VPS13B: variants seen among roughly 807,000 people sequenced by gnomAD.
VPS13B encodes the protein intermembrane lipid transfer protein VPS13B.
A neutral mutation model predicts 426.4 loss-of-function variants in VPS13B; 285 were observed. The observed-to-expected ratio is 0.67, with a 90% CI of 0.61 to 0.74. The LOEUF is 0.74. Among genes scored for constraint, VPS13B ranks in the 30% least tolerant of loss-of-function variants. The pLI, the probability that VPS13B is intolerant of heterozygous loss-of-function variation, is 0.00. For synonymous variants in VPS13B, 1,676 were observed against 1,676.4 expected (o/e 1.00, Z 0.01); for missense variants, 4,537 against 4,782.6 (o/e 0.95, Z 1.51).
At chr8:99,148,102 G>A in intron 14 of VPS13B, 92 bp downstream of exon 14, 1 of 1,372,554 alleles carries the variant, frequency 7.3e-7, no homozygotes, top group Non-Finnish European at 1.0e-6. Context: ...CTGCAGCCGG[G>A]CACAGTGGCT....
chr8:99,038,580 G>T lies in VPS13B; in HGVS notation c.291+14G>T. ...GATGGGATACAGGTAAGAAATTATT[G>T]AACCAAGTTGTTTATGTTAACTAAT... is the stretch of plus-strand genomic sequence containing the variant. On this transcript the variant is annotated intron_variant, in intron 3 of 61. Transcript: ENST00000357162. 1.3e-6 allele frequency: 2 copies of T among 1,591,812 alleles called. No homozygotes were observed. The highest frequency in any genetic ancestry group is 2.2e-5 in the South Asian group (2 of 90,502).
At chr8:99,263,630 C>G (rs573527519) in intron 17 of VPS13B, among the ~76,000 whole-genome samples, 2 of 152,300 alleles carry the variant, frequency 1.3e-5, no homozygotes, top group Admixed American at 6.5e-5. Flanking sequence ...GAGTGTGCAT[C>G]TGTCATCACA....
chr8:99,538,536 T>A (rs1823383776), intron 30 of VPS13B, among the ~76,000 whole-genome samples: 1 of 152,148 alleles, frequency 6.6e-6, no homozygotes, highest in African/African-American at 2.4e-5. Flanking sequence ...AGTGTGTGTG[T>A]GTTTGAGGGT....
chr8:99,106,017 A>T (rs970555521), intron 5 of VPS13B, among the ~76,000 whole-genome samples: 2 of 152,178 alleles, frequency 1.3e-5, no homozygotes, highest in Admixed American at 6.5e-5. Flanking sequence ...TATATTAATT[A>T]TCTTGTTTAA....
intron 17 of VPS13B, among the ~76,000 whole-genome samples, chr8:99,239,503 C>A (rs1816807987): frequency 6.6e-6 from 1 of 152,098 alleles, no homozygotes; most frequent in South Asian, 2.1e-4. Context: ...TCCACTAATG[C>A]CTCATTTGTA....
In VPS13B at chr8:99,784,405, A is replaced by G. The variant is rs1812160842; in HGVS notation, c.7870A>G (p.Thr2624Ala). The change falls in exon 43 of 62, where the codon ACT becomes GCT. Residue 2624 changes from threonine to alanine, a missense_variant. Physicochemically the swap from Thr to Ala is moderately conservative, Grantham distance 58. Transcript: ENST00000357162. ...GACACTGCGGTTTGGCCAGGTGGAT[A>G]CTGATGAAAATATTCTGCTGGCGAG... Reference protein sequence around the residue: ...QETLRFGQVDTDENILLASLH... With the variant: ...QETLRFGQVDADENILLASLH... 1.2e-6 allele frequency: 2 copies of G among 1,613,722 alleles called. No individual in the cohort carries two copies. The highest frequency in any genetic ancestry group is 1.7e-6 in the Non-Finnish European group (2 of 1,179,720).
intron 33 of VPS13B, among the ~76,000 whole-genome samples, chr8:99,620,600 T>C (rs1828305170): frequency 6.6e-6 from 1 of 152,096 alleles, no homozygotes; most frequent in African/African-American, 2.4e-5. Flanking sequence ...AATAAAATAC[T>C]TTCCCAACCT....
At chr8:99,509,147 G>T (rs996743372) in intron 28 of VPS13B, among the ~76,000 whole-genome samples, 1 of 152,138 alleles carries the variant, frequency 6.6e-6, no homozygotes, top group Non-Finnish European at 1.5e-5. Context: ...TGTGATCACT[G>T]TGGCCTCTTC....
intron 2 of VPS13B, among the ~76,000 whole-genome samples, chr8:99,014,587 A>G (rs1377505598): frequency 6.6e-6 from 1 of 151,484 alleles, no homozygotes; most frequent in African/African-American, 2.4e-5. Flanking sequence ...AAAATTCTGT[A>G]TGAGCCTGGA....
In VPS13B at chr8:99,720,451, T is replaced by C; in HGVS notation, c.6764T>C (p.Val2255Ala). ...GNFEVQVSEP[V>A]PQMSSPVEKN... ...TTTGAAGTACAAGTTTCTGAACCAG[T>C]GCCTCAAATGTCATCTCCTGTGGAA... The change falls in exon 38 of 62, where the codon GTG (valine) becomes GCG (alanine). Residue 2255 changes from valine (V) to alanine (A), a missense_variant. This residue lies in a region of VPS13B where 4,311 missense variants were observed against 4,474.3 expected (regional missense o/e 0.96). Transcript: ENST00000357162. The C allele has an allele frequency of 6.2e-7, 1 of 1,614,020 alleles. No homozygotes were observed. Among genetic ancestry groups the C allele is most frequent in the South Asian group, 1.1e-5 (1 of 91,072 alleles).
intron 55 of VPS13B, among the ~76,000 whole-genome samples, chr8:99,853,102 G>A (rs1816376048): frequency 2.0e-5 from 3 of 152,266 alleles, no homozygotes; most frequent in Non-Finnish European, 2.9e-5. Flanking sequence ...TCAATTTAGG[G>A]AGTCTCAGTT....
At position 99,135,033 on chromosome 8, in the gene VPS13B, C is replaced by T. The variant is rs1563560482; in HGVS notation, c.1321C>T (p.Pro441Ser). 6.2e-7 allele frequency: 1 copy of T among 1,613,428 alleles called. No individual in the cohort carries two copies. The highest frequency in any genetic ancestry group is 1.1e-5 in the South Asian group (1 of 91,052). The stretch of plus-strand genomic sequence containing the variant: ...CTTATAGGCCCTTATGATGGGAGAA[C>T]CTTTCTTTGATTGCCAGATTGGGTT... ...TTVEALMMGE[P>S]FFDCQIGFVG... Residue 441 changes from proline (P) to serine (S), a missense_variant, in exon 10 of 62, where the codon CCT becomes TCT. Pro to Ser is a moderately conservative substitution (Grantham distance 74). Coordinates refer to ENST00000357162, the MANE Select transcript of VPS13B (RefSeq NM_152564.5).
Position 99,014,117 on chromosome 8 carries a change from T to C in VPS13B, c.147+182T>C, listed in dbSNP as rs1476261410. ...TTTTCTTTTTCTTTCTTTCTTTTTT[T>C]TTTTTTTTTTTTTTTTTTGAGATGG... On this transcript the variant is annotated intron_variant, in intron 2 of 61. Transcript: ENST00000357162. Among the ~76,000 whole-genome samples the C allele has an allele frequency of 3.3e-5, 4 of 120,038 alleles. No individual in the cohort carries two copies. The East Asian group carries it at 8.9e-4, about 27-fold the overall frequency. 78.7% of individuals were successfully genotyped at this position (120,038 alleles called of 152,430 possible).
At chr8:99,688,591 G>C (rs1018008051) in intron 35 of VPS13B, among the ~76,000 whole-genome samples, 1 of 151,988 alleles carries the variant, frequency 6.6e-6, no homozygotes, top group African/African-American at 2.4e-5. Context: ...TGGATTGCTT[G>C]GATAAATTAA....
chr8:99,257,890 T>C (rs1305837639), intron 17 of VPS13B, among the ~76,000 whole-genome samples: 4 of 151,934 alleles, frequency 2.6e-5, no homozygotes, highest in Non-Finnish European at 5.9e-5. Flanking sequence ...ATAATATGAC[T>C]TTTACATAGT....
chr8:99,378,526 T>C (rs1468358973), intron 19 of VPS13B, among the ~76,000 whole-genome samples: 1 of 152,166 alleles, frequency 6.6e-6, no homozygotes, highest in African/African-American at 2.4e-5. Flanking sequence ...CCATGAAATC[T>C]TCACAATTTA....
At chr8:99,387,685 A>C (rs554741768) in intron 20 of VPS13B, among the ~76,000 whole-genome samples, 1 of 152,088 alleles carries the variant, frequency 6.6e-6, no homozygotes, top group Non-Finnish European at 1.5e-5. Context: ...TAGTTGAGCC[A>C]TATGTTTCCA....
At chr8:99,493,425 T>C (rs1820720951) in intron 25 of VPS13B, among the ~76,000 whole-genome samples, 1 of 152,196 alleles carries the variant, frequency 6.6e-6, no homozygotes, top group Non-Finnish European at 1.5e-5. Flanking sequence ...GGTACTTGGC[T>C]ATAACACATA....
intron 17 of VPS13B, among the ~76,000 whole-genome samples, chr8:99,244,219 A>G (rs1817080012): frequency 6.6e-6 from 1 of 152,268 alleles, no homozygotes. Flanking sequence ...CTTTCCAAAG[A>G]AGTATAACTG....
Sources: allele counts gnomAD v4.1 joint callset (sites outside exome capture counted in the v4.1 genomes callset), GRCh38; gene constraint gnomAD v4.1.1; regional missense constraint gnomAD v4.1.1; transcripts MANE v1.5; gene names NCBI Gene and HGNC (gene_info 2026-07-23, HGNC 2026-07-21).